The following OCA2 variants were observed in gnomAD, a reference collection of about 807,000 sequenced individuals.
OCA2 encodes the protein P protein.
Under a neutral mutation model 100.2 loss-of-function variants are expected in OCA2, and 77 were observed. The observed-to-expected ratio is 0.77, with a 90% CI of 0.64 to 0.93. The LOEUF (loss-of-function observed/expected upper bound fraction) is 0.93, where lower values mean the gene tolerates loss of function less well. OCA2 is among the 40% of genes least tolerant of loss of function. The pLI, the probability that OCA2 is intolerant of heterozygous loss-of-function variation, is 0.00. For synonymous variants in OCA2, 432 were observed against 439.2 expected (o/e 0.98, Z 0.21); for missense variants, 1,062 against 1,089.1 (o/e 0.98, Z 0.35).
At chr15:27,889,280 C>T (rs1324354495) in intron 19 of OCA2, among the ~76,000 whole-genome samples, 1 of 152,206 alleles carries the variant, frequency 6.6e-6, no homozygotes, top group Non-Finnish European at 1.5e-5. Flanking sequence ...GATCCCTCAA[C>T]TCATGCTCTC....
intron 19 of OCA2, among the ~76,000 whole-genome samples, chr15:27,894,177 G>A (rs2037587642): frequency 6.6e-6 from 1 of 152,062 alleles, no homozygotes; most frequent in Admixed American, 6.6e-5. Flanking sequence ...GAAATATTGG[G>A]GGCAGGTTCC....
Position 27,755,456 on chromosome 15 carries a change from T to C in OCA2, c.2449A>G (p.Met817Val), listed in dbSNP as rs1174702147. The C allele has an allele frequency of 6.2e-7, 1 of 1,613,752 alleles. No individual in the cohort carries two copies. Among genetic ancestry groups the C allele is most frequent in the South Asian group, 1.1e-5 (1 of 91,068 alleles). ...MEFFRLGFPMMVVSCTVGMCY... is the reference protein window; with the variant it reads ...MEFFRLGFPMVVVSCTVGMCY... The stretch of plus-strand genomic sequence containing the variant: ...ATCCCAACAGTGCAGGACACAACCA[T>C]CATTGGGAAGCCCAGCCTGAAATAC... The change falls in exon 24 of 24, where the codon ATG becomes GTG. Residue 817 changes from methionine to valine, a missense_variant. Met to Val is a conservative substitution (Grantham distance 21, BLOSUM62 1). Transcript: ENST00000354638.
intron 2 of OCA2, among the ~76,000 whole-genome samples, chr15:28,080,440 C>T (rs906412829): frequency 2.0e-5 from 3 of 152,182 alleles, no homozygotes; most frequent in Admixed American, 6.5e-5. Flanking sequence ...GGAGTTCACA[C>T]GAATGAACGA....
chr15:27,833,529 C>T (rs1007368326), intron 23 of OCA2, among the ~76,000 whole-genome samples: 1 of 152,186 alleles, frequency 6.6e-6, no homozygotes, highest in Non-Finnish European at 1.5e-5. Flanking sequence ...CGCTTTAAGG[C>T]TTTTTAAGTC....
intron 2 of OCA2, among the ~76,000 whole-genome samples, chr15:28,077,621 A>C (rs1271220124): frequency 6.6e-6 from 1 of 152,188 alleles, no homozygotes; most frequent in African/African-American, 2.4e-5. Context: ...TGCTTTCTCC[A>C]TATGTCTTTG....
intron 15 of OCA2, 109 bp downstream of exon 15, chr15:27,966,581 G>T (rs766252960): frequency 4.1e-5 from 51 of 1,229,612 alleles, no homozygotes; most frequent in African/African-American, 5.9e-5. Context: ...CTGGTATTGA[G>T]CATCCAGCAA....
chr15:27,934,066 T>G (rs564156504), intron 18 of OCA2, among the ~76,000 whole-genome samples: 1 of 152,226 alleles, frequency 6.6e-6, no homozygotes, highest in Non-Finnish European at 1.5e-5. Context: ...GCATACACAA[T>G]TTTATGTGAT....
chr15:27,945,056 C>A (rs920172908), intron 18 of OCA2, among the ~76,000 whole-genome samples: 2 of 152,220 alleles, frequency 1.3e-5, no homozygotes, highest in African/African-American at 2.4e-5. Flanking sequence ...CCACTGCCTG[C>A]ATGTGTTGTA....
At chr15:28,086,400 G>A (rs976787788) in intron 1 of OCA2, among the ~76,000 whole-genome samples, 27 of 152,172 alleles carry the variant, frequency 1.8e-4, no homozygotes, top group Non-Finnish European at 4.4e-5. Flanking sequence ...CCAGCAATAA[G>A]GTGGAATCCT....
chr15:27,776,252 C>G (rs11074305), intron 23 of OCA2, among the ~76,000 whole-genome samples: 41,915 of 152,154 alleles, frequency 0.28, 6,876 homozygotes, highest in Non-Finnish European at 0.37. Context: ...GCAGTGGCCT[C>G]ATCTGCCTCT....
intron 9 of OCA2, among the ~76,000 whole-genome samples, chr15:28,012,114 A>C (rs1218698835): frequency 6.6e-6 from 1 of 152,252 alleles, no homozygotes; most frequent in African/African-American, 2.4e-5. Context: ...TCAATTAGAA[A>C]ATAAGCAAAA....
At chr15:27,721,164 G>T in the OCA2 span, among the ~76,000 whole-genome samples, 1 of 152,086 alleles carries the variant, frequency 6.6e-6, no homozygotes, top group Admixed American at 6.5e-5. Context: ...TTTAAATTTC[G>T]CTTCTTTAAA....
the OCA2 span, among the ~76,000 whole-genome samples, chr15:27,747,836 G>A: frequency 6.6e-6 from 1 of 152,138 alleles, no homozygotes; most frequent in Non-Finnish European, 1.5e-5. Context: ...GACATTTCCA[G>A]AAAGTTCTAT....
intron 9 of OCA2, among the ~76,000 whole-genome samples, chr15:27,998,877 T>C (rs2041836943): frequency 6.8e-6 from 1 of 146,650 alleles, no homozygotes; most frequent in Non-Finnish European, 1.5e-5. Flanking sequence ...CCATAAAAAA[T>C]GATGAGTTCA....
At chr15:27,720,218 A>T in the OCA2 span, among the ~76,000 whole-genome samples, 13 of 152,032 alleles carry the variant, frequency 8.6e-5, no homozygotes, top group African/African-American at 3.1e-4. Flanking sequence ...AAAAATCCAA[A>T]CGTCCATTAA....
chr15:27,953,306 C>T (rs2040098789), intron 17 of OCA2, among the ~76,000 whole-genome samples: 1 of 152,204 alleles, frequency 6.6e-6, no homozygotes, highest in South Asian at 2.1e-4. Context: ...TGTGTCACAA[C>T]AGCTGACACA....
chr15:27,798,780 G>T (rs1299241223), intron 23 of OCA2, among the ~76,000 whole-genome samples: 1 of 152,204 alleles, frequency 6.6e-6, no homozygotes, highest in Non-Finnish European at 1.5e-5. Context: ...AACACGCAAG[G>T]TAACTACATT....
At chr15:28,012,540 G>A (rs2042273277) in intron 9 of OCA2, among the ~76,000 whole-genome samples, 2 of 152,044 alleles carry the variant, frequency 1.3e-5, no homozygotes, top group South Asian at 4.1e-4. Flanking sequence ...TGTAAGGGTG[G>A]AAACCATGTC....
At chr15:27,741,110 G>A in the OCA2 span, among the ~76,000 whole-genome samples, 1 of 152,156 alleles carries the variant, frequency 6.6e-6, no homozygotes, top group African/African-American at 2.4e-5. Flanking sequence ...GCCTGCTTAC[G>A]GCGGAGGCCT....
Sources: allele counts gnomAD v4.1 joint callset (sites outside exome capture counted in the v4.1 genomes callset), GRCh38; gene constraint gnomAD v4.1.1; transcripts MANE v1.5; gene names NCBI Gene and HGNC (gene_info 2026-07-23, HGNC 2026-07-21).